The following GRIK2 variants were observed in gnomAD, a reference collection of about 807,000 sequenced individuals.
GRIK2 encodes the protein glutamate receptor ionotropic, kainate 2.
A neutral mutation model predicts 100.3 loss-of-function variants in GRIK2; 32 were observed. The observed-to-expected ratio is 0.32, with a 90% CI of 0.24 to 0.43. GRIK2 has a LOEUF of 0.43. Ranked by LOEUF, GRIK2 falls within the 20% of genes least tolerant of loss-of-function variation. The pLI is 1.00. For missense variants in GRIK2, 843 were observed against 1,114.9 expected, an observed-to-expected ratio of 0.76 and a Z score of 3.47; for synonymous variants, 417 against 389.4, an observed-to-expected ratio of 1.07 and a Z score of -0.83.
chr6:101,494,971 TTATATATATATA>T (rs369006296), intron 2 of GRIK2, among the ~76,000 whole-genome samples: 2 of 107,984 alleles, frequency 1.9e-5, no homozygotes, highest in Non-Finnish European at 3.8e-5. Flanking sequence ...ATATATGCAT[TTATATATATATA>T]TATATATATA....
At chr6:101,817,094 T>C (rs930242174) in intron 9 of GRIK2, among the ~76,000 whole-genome samples, 1 of 152,196 alleles carries the variant, frequency 6.6e-6, no homozygotes, top group Non-Finnish European at 1.5e-5. Flanking sequence ...CTTTAGGACA[T>C]TGTCATAAGC....
At chr6:101,793,633 C>T (rs1317617806) in intron 7 of GRIK2, among the ~76,000 whole-genome samples, 1 of 152,182 alleles carries the variant, frequency 6.6e-6, no homozygotes, top group African/African-American at 2.4e-5. Context: ...GGGTGCCTCC[C>T]AGTTAGGCTG....
intron 2 of GRIK2, among the ~76,000 whole-genome samples, chr6:101,614,493 TAAG>T (rs1779811383): frequency 6.6e-6 from 1 of 151,572 alleles, no homozygotes; most frequent in Non-Finnish European, 1.5e-5. Flanking sequence ...TTATTTTGCC[TAAG>T]GAGAAAAAAA....
intron 11 of GRIK2, among the ~76,000 whole-genome samples, chr6:101,860,544 G>A (rs1784676207): frequency 6.6e-6 from 1 of 152,074 alleles, no homozygotes; most frequent in East Asian, 1.9e-4. Context: ...AAAAAGTGAA[G>A]CACAGGACAT....
intron 15 of GRIK2, among the ~76,000 whole-genome samples, chr6:102,051,256 CCTTCCTTCCTTCCTTCCTTCCTT>C (rs1562140245): frequency 5.3e-5 from 3 of 56,508 alleles, no homozygotes; most frequent in African/African-American, 7.5e-5. Context: ...TCCCTCCCTT[CCTTCCTTCCTTCCTTCCTTCCTT>C]CCTTCCTTCC....
intron 7 of GRIK2, among the ~76,000 whole-genome samples, chr6:101,743,421 T>A (rs1776172840): frequency 6.6e-6 from 1 of 152,188 alleles, no homozygotes; most frequent in African/African-American, 2.4e-5. Context: ...TTAAGCAGGG[T>A]TTAATCCATC....
chr6:101,454,084 G>A (rs1454702273), intron 2 of GRIK2, among the ~76,000 whole-genome samples: 1 of 152,008 alleles, frequency 6.6e-6, no homozygotes, highest in African/African-American at 2.4e-5. Flanking sequence ...TATTCCTACC[G>A]TAGACTGAAG....
chr6:101,411,104 T>C (rs761154741), intron 2 of GRIK2, among the ~76,000 whole-genome samples: 8 of 152,064 alleles, frequency 5.3e-5, no homozygotes, highest in Non-Finnish European at 1.0e-4. Context: ...CATCTTTCCC[T>C]AAGGATTCTG....
At chr6:101,506,546 C>A (rs975672201) in intron 2 of GRIK2, among the ~76,000 whole-genome samples, 1 of 152,022 alleles carries the variant, frequency 6.6e-6, no homozygotes, top group Non-Finnish European at 1.5e-5. Context: ...GATGAATATA[C>A]GTGTTGTCCA....
chr6:101,420,477 C>T (rs1776359572), intron 2 of GRIK2, among the ~76,000 whole-genome samples: 2 of 152,118 alleles, frequency 1.3e-5, no homozygotes, highest in South Asian at 4.1e-4. Flanking sequence ...CACAAAAGTT[C>T]TTAAAATGTG....
At chr6:101,619,433 T>G (rs1371827281) in intron 2 of GRIK2, among the ~76,000 whole-genome samples, 1 of 151,972 alleles carries the variant, frequency 6.6e-6, no homozygotes, top group African/African-American at 2.4e-5. Context: ...TTTGAATTAT[T>G]ATTTTAAAGA....
At chr6:101,587,445 T>C (rs1778432877) in intron 2 of GRIK2, among the ~76,000 whole-genome samples, 1 of 152,078 alleles carries the variant, frequency 6.6e-6, no homozygotes, top group Non-Finnish European at 1.5e-5. Context: ...TCCTACCTAC[T>C]TACCTACCTA....
intron 2 of GRIK2, among the ~76,000 whole-genome samples, chr6:101,473,097 TTTCC>T (rs202063345): frequency 0.026 from 3,440 of 133,260 alleles, 87 homozygotes; most frequent in African/African-American, 0.06. Flanking sequence ...AATCCTAGGT[TTTCC>T]TTCCTTCCTT....
chr6:101,889,605 C>CTTT lies in GRIK2; in HGVS notation c.1525-21_1525-19dup, dbSNP rs2243354. 109 of 712,378 alleles carry CTTT rather than the reference C, an allele frequency of 1.5e-4. 1 individual carries two copies. The highest frequency in any genetic ancestry group is 4.0e-4 in the South Asian group (16 of 39,528). The allele number at this position is 712,378 out of a possible 1,614,324, so 44.1% of individuals were successfully genotyped here. On this transcript the variant is annotated intron_variant, in intron 11 of 16. Coordinates refer to ENST00000369134, the MANE Select transcript of GRIK2 (RefSeq NM_021956.5). ...CAATTTTTTCTCTCTTTCTTTCTTT[C>CTTT]TTTTTTTTTTTTTTTTGTTTGTTTC...
At chr6:101,438,725 A>G (rs1404881397) in intron 2 of GRIK2, among the ~76,000 whole-genome samples, 1 of 152,128 alleles carries the variant, frequency 6.6e-6, no homozygotes, top group African/African-American at 2.4e-5. Context: ...GTCAAGTATG[A>G]TTAGTATTTC....
intron 2 of GRIK2, among the ~76,000 whole-genome samples, chr6:101,493,709 G>A (rs1002453332): frequency 9.9e-5 from 15 of 151,640 alleles, no homozygotes; most frequent in African/African-American, 3.6e-4. Context: ...CAATCAGGTA[G>A]CTTCAGCAGT....
intron 14 of GRIK2, among the ~76,000 whole-genome samples, chr6:101,937,719 G>A (rs1032691459): frequency 6.6e-6 from 1 of 151,720 alleles, no homozygotes; most frequent in African/African-American, 2.4e-5. Flanking sequence ...TTAATGTTTT[G>A]AGGAAATTAT....
intron 10 of GRIK2, among the ~76,000 whole-genome samples, chr6:101,840,599 C>A (rs1210245824): frequency 6.6e-6 from 1 of 152,136 alleles, no homozygotes; most frequent in Non-Finnish European, 1.5e-5. Flanking sequence ...TCCACAATAA[C>A]AGATGAGTCC....
intron 14 of GRIK2, among the ~76,000 whole-genome samples, chr6:101,935,991 A>G (rs1014803253): frequency 1.3e-5 from 2 of 152,058 alleles, no homozygotes. Flanking sequence ...GGAAATAGCT[A>G]TGGCTGTTTA....
Sources: allele counts gnomAD v4.1 joint callset (sites outside exome capture counted in the v4.1 genomes callset), GRCh38; gene constraint gnomAD v4.1.1; transcripts MANE v1.5; gene names NCBI Gene and HGNC (gene_info 2026-07-23, HGNC 2026-07-21).